PRKN: variants seen among roughly 807,000 people sequenced by gnomAD.
PRKN encodes the protein parkin RBR E3 ubiquitin protein ligase.
In PRKN, 56 loss-of-function variants were observed where a neutral mutation model predicts 59.5. The observed-to-expected ratio is 0.94, with a 90% CI of 0.76 to 1.18. PRKN has a LOEUF of 1.18. PRKN is among the 50% of genes most tolerant of loss of function. PRKN has a pLI of 0.00. For synonymous variants in PRKN, 250 were observed against 222.1 expected (o/e 1.13, Z -1.12); for missense variants, 657 against 596.4 (o/e 1.10, Z -1.06).
chr6:161,949,611 C>T (rs1416727793), intron 6 of PRKN, among the ~76,000 whole-genome samples: 1 of 152,148 alleles, frequency 6.6e-6, no homozygotes, highest in Admixed American at 6.5e-5. Flanking sequence ...CAAGTGGATC[C>T]CCCAAATTCT....
chr6:161,981,813 C>T (rs1359721178), intron 5 of PRKN, among the ~76,000 whole-genome samples: 1 of 152,174 alleles, frequency 6.6e-6, no homozygotes, highest in Non-Finnish European at 1.5e-5. Flanking sequence ...AATTAAGTTA[C>T]ACCTAGTCAA....
chr6:161,924,610 C>G (rs903484942), intron 6 of PRKN, among the ~76,000 whole-genome samples: 1 of 152,152 alleles, frequency 6.6e-6, no homozygotes, highest in Non-Finnish European at 1.5e-5. Flanking sequence ...ATTGATTTTT[C>G]AGGGGAAGTC....
intron 1 of PRKN, among the ~76,000 whole-genome samples, chr6:162,469,489 G>GGTTTGT (rs1302047953): frequency 8.0e-6 from 1 of 125,256 alleles, no homozygotes. Context: ...AAGAAACTGT[G>GGTTTGT]GTATGTGTGT....
chr6:162,394,813 TA>T (rs534049030), intron 2 of PRKN, among the ~76,000 whole-genome samples: 138 of 152,352 alleles, frequency 9.1e-4, no homozygotes, highest in African/African-American at 3.2e-3. Flanking sequence ...AAGTAGCCTA[TA>T]GATGTTACTG....
chr6:161,755,492 T>C (rs1788878346), intron 7 of PRKN, among the ~76,000 whole-genome samples: 2 of 152,032 alleles, frequency 1.3e-5, no homozygotes, highest in Admixed American at 6.6e-5. Flanking sequence ...ATGTGAAAAA[T>C]ACATATCTTG....
Position 162,266,299 on chromosome 6 carries a change from TGTGTGTGTGTG to T in PRKN, c.172-3545_172-3535del, listed in dbSNP as rs1171067820. Among the ~76,000 whole-genome samples, 3 of 40,234 alleles carry T rather than the reference TGTGTGTGTGTG, an allele frequency of 7.5e-5. No homozygotes were observed. In the African/African-American group the frequency reaches 8.2e-4, roughly 11 times the overall value. The allele number at this position is 40,234 out of a possible 152,430, so 26.4% of individuals were successfully genotyped here. A position where few individuals can be genotyped will look rare whatever the true frequency, so the allele number is the denominator to read the frequency against. ...GCTTGGACAGTATATACATATATAT[TGTGTGTGTGTG>T]TGTGTGTGTGTGTGTGTGTGTGTGT... is the stretch of plus-strand genomic sequence containing the variant. On this transcript the variant is annotated intron_variant, in intron 2 of 11. Transcript: ENST00000366898.
At position 161,548,155 on chromosome 6, in the gene PRKN, A is replaced by G. The variant is rs1779860860; in HGVS notation, c.1083+699T>C. 6.6e-6 allele frequency among the ~76,000 whole-genome samples: 1 copy of G among 152,246 alleles called. No individual in the cohort carries two copies. Among genetic ancestry groups the G allele is most frequent in the African/African-American group, 2.4e-5 (1 of 41,466 alleles). On this transcript the variant is annotated intron_variant, in intron 9 of 11. Coordinates refer to ENST00000366898, the MANE Select transcript of PRKN (RefSeq NM_004562.3). The surrounding 1 kb of genome is among the most constrained non-coding windows in gnomAD (Gnocchi z 4.2). ...ACTTTTCCAGGCTGCATGAAATTTAATATCAGGATTATTATCCATTTGTCA... is the reference window on the plus strand; with the variant it reads ...ACTTTTCCAGGCTGCATGAAATTTAGTATCAGGATTATTATCCATTTGTCA...
At chr6:161,434,699 G>A (rs2115061985) in intron 9 of PRKN, among the ~76,000 whole-genome samples, 1 of 152,184 alleles carries the variant, frequency 6.6e-6, no homozygotes, top group South Asian at 2.1e-4. Flanking sequence ...TCTTTCACCT[G>A]TCTCTTCAGG....
At chr6:162,470,783 G>A (rs1583628505) in intron 1 of PRKN, among the ~76,000 whole-genome samples, 1 of 151,948 alleles carries the variant, frequency 6.6e-6, no homozygotes, top group African/African-American at 2.4e-5. Flanking sequence ...TTGAGATGGA[G>A]TCTCATTCTG....
chr6:162,676,251 AGAAAG>A (rs1779538346), intron 1 of PRKN, among the ~76,000 whole-genome samples: 1 of 152,244 alleles, frequency 6.6e-6, no homozygotes, highest in South Asian at 2.1e-4. Context: ...TGATGCCTTC[AGAAAG>A]GAAAGCGCCA....
intron 9 of PRKN, among the ~76,000 whole-genome samples, chr6:161,520,935 G>A (rs1476552593): frequency 3.3e-5 from 5 of 152,126 alleles, no homozygotes; most frequent in Non-Finnish European, 7.4e-5. Flanking sequence ...TTGAAATCAG[G>A]GTTCAGTTAG....
chr6:162,389,300 G>A (rs924684487), intron 2 of PRKN, among the ~76,000 whole-genome samples: 14 of 152,086 alleles, frequency 9.2e-5, no homozygotes, highest in Non-Finnish European at 1.6e-4. Context: ...CTGGGGCACC[G>A]GTGGGTGCAG....
intron 5 of PRKN, among the ~76,000 whole-genome samples, chr6:161,997,118 C>T (rs1179781314): frequency 3.9e-5 from 6 of 152,190 alleles, no homozygotes; most frequent in Middle Eastern, 3.4e-3. Context: ...GCACATTCGA[C>T]GCAACGTGCT....
chr6:162,674,479 T>G (rs1562487575), intron 1 of PRKN, among the ~76,000 whole-genome samples: 1 of 152,090 alleles, frequency 6.6e-6, no homozygotes, highest in Non-Finnish European at 1.5e-5. Flanking sequence ...TATTGGAAAG[T>G]CATTCCAGGC....
intron 2 of PRKN, among the ~76,000 whole-genome samples, chr6:162,382,187 A>C (rs937261778): frequency 6.6e-6 from 1 of 152,234 alleles, no homozygotes; most frequent in African/African-American, 2.4e-5. Flanking sequence ...TCACCTAATG[A>C]TGCTGATGAT....
At chr6:161,806,919 C>T (rs1334848098) in intron 6 of PRKN, among the ~76,000 whole-genome samples, 1 of 152,130 alleles carries the variant, frequency 6.6e-6, no homozygotes, top group Non-Finnish European at 1.5e-5. Flanking sequence ...GAGAAATCAT[C>T]CGAACACCAC....
chr6:162,671,779 T>C (rs1235684650), intron 1 of PRKN, among the ~76,000 whole-genome samples: 1 of 151,262 alleles, frequency 6.6e-6, no homozygotes, highest in Non-Finnish European at 1.5e-5. Context: ...AAATAAAATA[T>C]TAAATATAAA....
intron 1 of PRKN, among the ~76,000 whole-genome samples, chr6:162,661,425 A>G (rs1478044427): frequency 6.6e-6 from 1 of 152,186 alleles, no homozygotes; most frequent in Non-Finnish European, 1.5e-5. Context: ...GGTTAAAGCA[A>G]AACTATAAAG....
intron 2 of PRKN, among the ~76,000 whole-genome samples, chr6:162,393,155 C>CTTTTTTTTTGTTTTTT (rs1787292092): frequency 1.2e-5 from 1 of 80,190 alleles, no homozygotes; most frequent in Non-Finnish European, 2.3e-5. Flanking sequence ...ATAGGAGATT[C>CTTTTTTTTTGTTTTTT]TTTTTTTTTT....
Sources: allele counts gnomAD v4.1 joint callset (sites outside exome capture counted in the v4.1 genomes callset), GRCh38; gene constraint gnomAD v4.1.1; non-coding constraint Gnocchi (gnomAD v3.1); transcripts MANE v1.5; gene names NCBI Gene and HGNC (gene_info 2026-07-23, HGNC 2026-07-21).